RABAC1: variants seen among roughly 807,000 people sequenced by gnomAD.
The protein encoded by RABAC1 is Rab acceptor 1.
Under a neutral mutation model 22.9 loss-of-function variants are expected in RABAC1, and 16 were observed. The ratio of observed to expected loss-of-function variants is 0.70; its 90% CI spans 0.47 to 1.06. The LOEUF (loss-of-function observed/expected upper bound fraction) is 1.06, where lower values mean the gene tolerates loss of function less well. Ranked by LOEUF, RABAC1 falls within the 50% of genes least tolerant of loss-of-function variation. The pLI is 0.00. For synonymous variants in RABAC1, 139 were observed against 107.7 expected (o/e 1.29, Z -1.80); for missense variants, 227 against 246.5 (o/e 0.92, Z 0.53).
rs782170525 is a variant in RABAC1, at chr19:41,959,309, G to T, written c.-17C>A. ...CGCTGCCATGTCTGCGTCGTGAGGG[G>T]TAGAGCTGCTGTAACCAGCCCGGTA... On this transcript the variant is annotated 5_prime_UTR_variant, in exon 1 of 5. Transcript: ENST00000222008. The T allele has an allele frequency of 6.2e-7, 1 of 1,613,500 alleles. No individual in the cohort carries two copies.
chr19:41,958,373 G>C lies in RABAC1; in HGVS notation c.280C>G (p.Pro94Ala). ...ACAGCCAGAGCCACCAGCAACATAG[G>C]GGACGTCACCCTGGAGGAGGAGTGC... The part of the protein sequence containing the change: ...GLILYCVVTS[P>A]MLLVALAVFF... Residue 94 changes from proline (P) to alanine (A), a missense_variant, in exon 3 of 5, where the codon CCT becomes GCT. Pro to Ala is a conservative substitution (Grantham distance 27). Coordinates refer to ENST00000222008, the MANE Select transcript of RABAC1 (RefSeq NM_006423.3). The C allele has an allele frequency of 6.2e-7, 1 of 1,613,400 alleles. No homozygotes were observed. The highest frequency in any genetic ancestry group is 8.5e-7 in the Non-Finnish European group (1 of 1,179,786).
chr19:41,958,065 T>G (rs891456289), intron 3 of RABAC1: 14 of 522,296 alleles, frequency 2.7e-5, no homozygotes, highest in Middle Eastern at 5.2e-4. Context: ...GCCAGGTGGA[T>G]CCTGGGTTTG....
At chr19:41,959,200 G>C (rs1555857359) in intron 1 of RABAC1, 37 bp downstream of exon 1, 1 of 1,612,298 alleles carries the variant, frequency 6.2e-7, no homozygotes, top group Non-Finnish European at 8.5e-7. Flanking sequence ...CGGACTCCCG[G>C]GTCTCTGGTC....
At position 41,956,852 on chromosome 19, in the gene RABAC1, G is replaced by A. The variant is rs10182; in HGVS notation, c.552C>T (p.Pro184=). Residue 184 remains proline (P), a synonymous_variant, in exon 5 of 5, where the codon CCC becomes CCT. Transcript: ENST00000222008. ...GCAGGTCCCAGAAGACACCTCACAC[G>A]GGTTCCATCTGCAGCTCCTCCCCGT... ...AVDGEELQME[P]V 600 of 1,610,410 alleles carry A rather than the reference G, an allele frequency of 3.7e-4. 1 individual carries two copies. Among genetic ancestry groups the A allele is most frequent in the Non-Finnish European group, 4.7e-4 (559 of 1,178,492 alleles).
chr19:41,958,752 G>A lies in RABAC1; in HGVS notation c.253C>T (p.Leu85Phe), dbSNP rs144952425. The part of the protein sequence containing the change: ...QSNYVFVFLG[L>F]ILYCVVTSPM... ...GGCACTCACACACAGTACAGGATGA[G>A]GCCCAGGAACACGAACACATAGTTG... is the stretch of plus-strand genomic sequence containing the variant. The change falls in exon 2 of 5, where the codon CTC (leucine) becomes TTC (phenylalanine). Residue 85 changes from leucine (L) to phenylalanine (F), a missense_variant. Leu to Phe is a conservative substitution (Grantham distance 22). Coordinates refer to ENST00000222008, the MANE Select transcript of RABAC1 (RefSeq NM_006423.3). 2.5e-6 allele frequency: 4 copies of A among 1,612,884 alleles called. No homozygotes were observed. Among genetic ancestry groups the A allele is most frequent in the South Asian group, 1.1e-5 (1 of 91,042 alleles).
chr19:41,958,607 T>C, intron 2 of RABAC1, 129 bp downstream of exon 2: 1 of 1,097,280 alleles, frequency 9.1e-7, no homozygotes, highest in Non-Finnish European at 1.3e-6. Flanking sequence ...GGGCGGGGCC[T>C]GGGCGGTGAG....
rs782210756 is a variant in RABAC1 at position 41,959,307 on chromosome 19, G to T, written c.-15C>A. 6.8e-6 allele frequency: 11 copies of T among 1,613,390 alleles called. No homozygotes were observed. The highest frequency in any genetic ancestry group is 1.6e-4 in the Middle Eastern group (1 of 6,084). ...TGCGCTGCCATGTCTGCGTCGTGAG[G>T]GGTAGAGCTGCTGTAACCAGCCCGG... On this transcript the variant is annotated 5_prime_UTR_variant, in exon 1 of 5. Coordinates refer to ENST00000222008, the MANE Select transcript of RABAC1 (RefSeq NM_006423.3).
In RABAC1 at chr19:41,957,019, C is replaced by G; in HGVS notation, c.468G>C (p.Leu156=). 1 of 1,613,774 alleles carries G rather than the reference C, an allele frequency of 6.2e-7. No homozygotes were observed. The highest frequency in any genetic ancestry group is 2.2e-5 in the East Asian group (1 of 44,878). ...AGAGSAVFWV[L]GATLVVIGSH... ...CAGCTGCTCAGACCCTGTACTCACC[C>G]AGCACCCAGAAGACGGCCGAGCCCG... The change falls in exon 4 of 5, where the codon CTG becomes CTC. Residue 156 remains leucine (L), a splice_region_variant and synonymous_variant. Transcript: ENST00000222008.
In RABAC1 at chr19:41,956,803, TG is replaced by T. The variant is rs782243417; in HGVS notation, c.*42del. On this transcript the variant is annotated 3_prime_UTR_variant, in exon 5 of 5. Transcript: ENST00000222008. ...CGTGCAGGACAGGCATGGGCAGGGG[TG>T]GGGCAGCTGGCCCGGGAGGCCGGCA... 2.6e-6 allele frequency: 4 copies of T among 1,546,420 alleles called. No homozygotes were observed. Among genetic ancestry groups the T allele is most frequent in the Admixed American group, 3.5e-5 (2 of 57,210 alleles).
chr19:41,958,648 C>G (rs1050725474), intron 2 of RABAC1, 88 bp downstream of exon 2: 3 of 1,397,672 alleles, frequency 2.1e-6, no homozygotes, highest in East Asian at 2.5e-5. Context: ...GAGGAGGGAC[C>G]GGGCGGTGAA....
rs1423799657 is a variant in RABAC1 at position 41,956,751 on chromosome 19, C to T, written c.*95G>A. 6 of 1,165,348 alleles carry T rather than the reference C, an allele frequency of 5.1e-6. No homozygotes were observed. Among genetic ancestry groups the T allele is most frequent in the African/African-American group, 3.1e-5 (2 of 64,292 alleles). The allele number at this position is 1,165,348 out of a possible 1,614,324, so 72.2% of individuals were successfully genotyped here. A position where few individuals can be genotyped will look rare whatever the true frequency, so the allele number is the denominator to read the frequency against. On this transcript the variant is annotated 3_prime_UTR_variant, in exon 5 of 5. Coordinates refer to ENST00000222008, the MANE Select transcript of RABAC1 (RefSeq NM_006423.3). ...ATCCCTCCCCGGGCTTGTGATGGGA[C>T]GGCGCTGTGGGCCCGAGCAGCAGAG...
In RABAC1 at chr19:41,957,112, C is replaced by G. The variant is rs2074993607; in HGVS notation, c.375G>C (p.Glu125Asp). Reference sequence around the variant, plus strand: ...GAGCATACTGATGCGCTGGGCTCACCTCTCGGCCTGGGGGCAGATGGCATT... The same window carrying G: ...GAGCATACTGATGCGCTGGGCTCACGTCTCGGCCTGGGGGCAGATGGCATT... Reference protein sequence around the residue: ...LESKLVLFGREVSPAHQYALA... With the variant: ...LESKLVLFGRDVSPAHQYALA... The change falls in exon 4 of 5, where the codon GAG becomes GAC. Residue 125 changes from glutamate (E) to aspartate (D), a missense_variant. By Grantham distance (45) the Glu-to-Asp change is conservative. Coordinates refer to ENST00000222008, the MANE Select transcript of RABAC1 (RefSeq NM_006423.3). The G allele has an allele frequency of 6.2e-7, 1 of 1,613,478 alleles. No individual in the cohort carries two copies. The highest frequency in any genetic ancestry group is 1.7e-5 in the Admixed American group (1 of 59,986).
chr19:41,956,730 C>G lies in RABAC1; in HGVS notation c.*116G>C. On this transcript the variant is annotated 3_prime_UTR_variant, in exon 5 of 5. Transcript: ENST00000222008. The stretch of plus-strand genomic sequence containing the variant: ...AGCTTTATTTTCAAAGGCGGGATCC[C>G]TCCCCGGGCTTGTGATGGGACGGCG... The G allele has an allele frequency of 2.2e-6, 2 of 915,360 alleles. No individual in the cohort carries two copies. The highest frequency in any genetic ancestry group is 3.3e-6 in the Non-Finnish European group (2 of 611,270). The allele number at this position is 915,360 out of a possible 1,614,324, so 56.7% of individuals were successfully genotyped here.
rs1599696002 is a variant in RABAC1, at chr19:41,958,496, G to A, written c.270-113C>T. ...AGCTACATCCTGGAGACCAGGGAGGGCCAGGTGACATTTAGTCACACTGCA... is the reference window on the plus strand; with the variant it reads ...AGCTACATCCTGGAGACCAGGGAGGACCAGGTGACATTTAGTCACACTGCA... On this transcript the variant is annotated intron_variant, in intron 2 of 4. Transcript: ENST00000222008. The A allele has an allele frequency of 3.7e-6, 4 of 1,080,598 alleles. No individual in the cohort carries two copies. In the African/African-American group the frequency reaches 6.3e-5, roughly 17 times the overall value. The allele number at this position is 1,080,598 out of a possible 1,614,324, so 66.9% of individuals were successfully genotyped here.
Position 41,956,959 on chromosome 19 carries a change from G to A in RABAC1, c.470-25C>T, listed in dbSNP as rs782377612. 8 of 1,612,272 alleles carry A rather than the reference G, an allele frequency of 5.0e-6. No homozygotes were observed. In the Admixed American group the frequency reaches 1.2e-4, roughly 24 times the overall value. ...CCTGCAGGAAAGCCGGCAGCTCAGGGCCACACTCCTGCACCTGGCTCCCAC... is the reference window on the plus strand; with the variant it reads ...CCTGCAGGAAAGCCGGCAGCTCAGGACCACACTCCTGCACCTGGCTCCCAC... On this transcript the variant is annotated intron_variant, in intron 4 of 4. Coordinates refer to ENST00000222008, the MANE Select transcript of RABAC1 (RefSeq NM_006423.3).
chr19:41,958,318 A>C lies in RABAC1; in HGVS notation c.335T>G (p.Leu112Arg). Residue 112 changes from leucine to arginine, a missense_variant, in exon 3 of 5, where the codon CTG (leucine) becomes CGG (arginine). By Grantham distance (102) the Leu-to-Arg change is moderately radical. Coordinates refer to ENST00000222008, the MANE Select transcript of RABAC1 (RefSeq NM_006423.3). ...VFFGACYILY[L>R]RTLESKLVLF... The stretch of plus-strand genomic sequence containing the variant: ...CACAAGCTTGGACTCCAAGGTGCGC[A>C]GATAGAGAATGTAACAGGCGCCGAA... 6.2e-7 allele frequency: 1 copy of C among 1,613,424 alleles called. No individual in the cohort carries two copies. Among genetic ancestry groups the C allele is most frequent in the African/African-American group, 1.3e-5 (1 of 75,046 alleles).
intron 3 of RABAC1, chr19:41,957,421 A>C: frequency 5.1e-6 from 2 of 388,562 alleles, no homozygotes; most frequent in South Asian, 4.1e-5. Flanking sequence ...TCCTGCTGCA[A>C]CCCTCGCGCA....
intron 1 of RABAC1, 61 bp downstream of exon 1, chr19:41,959,176 G>A: frequency 6.2e-7 from 1 of 1,604,210 alleles, no homozygotes; most frequent in Non-Finnish European, 8.5e-7. Flanking sequence ...GGAGGGAGGA[G>A]GGGGCCGGGG....
rs781999360 is a variant in RABAC1, at chr19:41,957,131, T to C, written c.368-12A>G. The C allele has an allele frequency of 2.7e-5, 44 of 1,610,964 alleles. No individual in the cohort carries two copies. Among genetic ancestry groups the C allele is most frequent in the Non-Finnish European group, 3.6e-5 (42 of 1,178,156 alleles). On this transcript the variant is annotated splice_polypyrimidine_tract_variant and intron_variant, in intron 3 of 4. Transcript: ENST00000222008. ...GCTCACCTCTCGGCCTGGGGGCAGA[T>C]GGCATTGGGGTGCTGTTCCGACTCT...
Sources: allele counts gnomAD v4.1 joint callset, GRCh38; gene constraint gnomAD v4.1.1; transcripts MANE v1.5; gene names NCBI Gene and HGNC (gene_info 2026-07-23, HGNC 2026-07-21).